IAPP: variants seen among roughly 807,000 people sequenced by gnomAD.
IAPP encodes the protein islet amyloid polypeptide.
Under a neutral mutation model 2.9 loss-of-function variants are expected in IAPP, and 4 were observed. That is an observed-to-expected ratio of 1.39 (90% CI 0.69 to 3.19). IAPP has a LOEUF of 3.19. Ranked by LOEUF, IAPP falls within the 30% of genes most tolerant of loss-of-function variation. The pLI, the probability that IAPP is intolerant of heterozygous loss-of-function variation, is 0.01. For missense variants in IAPP, 114 were observed against 105.3 expected, an observed-to-expected ratio of 1.08 and a Z score of -0.36; for synonymous variants, 40 against 42.1, an observed-to-expected ratio of 0.95 and a Z score of 0.19.
At chr12:21,375,784 T>C (rs1198830940) in intron 2 of IAPP, among the ~76,000 whole-genome samples, 3 of 152,224 alleles carry the variant, frequency 2.0e-5, no homozygotes, top group Admixed American at 2.0e-4. Context: ...CTTTGGCTTA[T>C]TGTCATCTCT....
At chr12:21,361,784 A>G (rs1427886165) in intron 1 of IAPP, among the ~76,000 whole-genome samples, 3 of 152,206 alleles carry the variant, frequency 2.0e-5, no homozygotes, top group African/African-American at 7.2e-5. Context: ...CAAATAGAAG[A>G]AAGGGTATCA....
rs550343524 is a variant in IAPP at position 21,357,109 on chromosome 12, A to T, written c.-16+2096A>T. 6.3e-3 allele frequency among the ~76,000 whole-genome samples: 955 copies of T among 152,322 alleles called. 10 individuals are homozygous for T. The highest frequency in any genetic ancestry group is 9.2e-3 in the Non-Finnish European group (626 of 68,020). ...ACTATAGAATGTCCAGAAAACCTTTATGGGTTGAACTGTGTCCCTGCAAAA... is the reference window on the plus strand; with the variant it reads ...ACTATAGAATGTCCAGAAAACCTTTTTGGGTTGAACTGTGTCCCTGCAAAA... On this transcript the variant is annotated intron_variant, in intron 1 of 2. Transcript: ENST00000539393.
At chr12:21,358,611 CTAGT>C (rs2137036965) in intron 1 of IAPP, among the ~76,000 whole-genome samples, 1 of 151,960 alleles carries the variant, frequency 6.6e-6, no homozygotes, top group East Asian at 1.9e-4. Flanking sequence ...TATTTTATCA[CTAGT>C]TAATACTTTT....
intron 1 of IAPP, among the ~76,000 whole-genome samples, chr12:21,355,643 C>A (rs1047717289): frequency 6.6e-6 from 1 of 152,142 alleles, no homozygotes; most frequent in African/African-American, 2.4e-5. Flanking sequence ...GCAACCAAAT[C>A]TTTTCTCAGG....
At chr12:21,374,566 T>C (rs922562669) in intron 2 of IAPP, 10 of 152,216 alleles carry the variant, frequency 6.6e-5, no homozygotes, top group African/African-American at 2.4e-4. Flanking sequence ...CAGAGGCTTT[T>C]TGTCATTTCA....
chr12:21,367,850 C>T (rs1939505537), intron 1 of IAPP, among the ~76,000 whole-genome samples: 1 of 151,638 alleles, frequency 6.6e-6, no homozygotes, highest in African/African-American at 2.4e-5. Context: ...AAGTATATTT[C>T]AAAAAAATGA....
intron 1 of IAPP, among the ~76,000 whole-genome samples, chr12:21,365,136 A>G (rs1939268989): frequency 6.6e-6 from 1 of 152,212 alleles, no homozygotes; most frequent in South Asian, 2.1e-4. Flanking sequence ...ACACTACCTG[A>G]CTTCAAACTA....
intron 1 of IAPP, among the ~76,000 whole-genome samples, chr12:21,358,243 T>A (rs1300073617): frequency 1.3e-5 from 2 of 152,212 alleles, no homozygotes; most frequent in Admixed American, 6.5e-5. Context: ...GATGAAAGTA[T>A]GCTGGAAAAA....
At chr12:21,372,444 T>C (rs1939868368), upstream of IAPP, among the ~76,000 whole-genome samples, 1 of 152,194 alleles carries the variant, frequency 6.6e-6, no homozygotes, top group South Asian at 2.1e-4. Context: ...TGATTTCTCT[T>C]TTATGCCCTT....
In IAPP at chr12:21,373,581, C is replaced by T. The variant is rs1939960136; in HGVS notation, c.80+150C>T. The stretch of plus-strand genomic sequence containing the variant: ...CAGCTATTCCATTGTTCCTTGAATT[C>T]TGTGTTCTTTAAAGAATAACACCAG... On this transcript the variant is annotated intron_variant, in intron 2 of 2. Coordinates refer to ENST00000240652, the MANE Select transcript of IAPP (RefSeq NM_000415.3). The T allele has an allele frequency of 4.2e-6, 3 of 708,776 alleles. No homozygotes were observed. In the East Asian group the frequency reaches 8.0e-5, roughly 19 times the overall value. The allele number at this position is 708,776 out of a possible 1,614,324, so 43.9% of individuals were successfully genotyped here.
intron 1 of IAPP, among the ~76,000 whole-genome samples, chr12:21,361,766 G>T (rs935931951): frequency 1.3e-5 from 2 of 152,120 alleles, no homozygotes; most frequent in Non-Finnish European, 2.9e-5. Flanking sequence ...TTCAGTAGCC[G>T]ATTTGATCAA....
rs1367248248 is a variant in IAPP at position 21,373,392 on chromosome 12, C to G, written c.41C>G (p.Ser14Cys). 1.2e-6 allele frequency: 2 copies of G among 1,613,628 alleles called. No homozygotes were observed. The highest frequency in any genetic ancestry group is 4.5e-5 in the East Asian group (2 of 44,822). The change falls in exon 2 of 3, where the codon TCT (serine) becomes TGT (cysteine). Residue 14 changes from serine (S) to cysteine (C), a missense_variant. By Grantham distance (112) the Ser-to-Cys change is moderately radical. Coordinates refer to ENST00000240652, the MANE Select transcript of IAPP (RefSeq NM_000415.3). The part of the protein sequence containing the change: ...LKLQVFLIVL[S>C]VALNHLKATP... ...CTGCAAGTATTTCTCATTGTGCTCT[C>G]TGTTGCATTGAACCATCTGAAAGCT... is the stretch of plus-strand genomic sequence containing the variant.
At chr12:21,367,917 A>G (rs572968879), upstream of IAPP, among the ~76,000 whole-genome samples, 1 of 152,208 alleles carries the variant, frequency 6.6e-6, no homozygotes, top group African/African-American at 2.4e-5. Context: ...GTAATCAAAT[A>G]GTTAACAAGA....
intron 1 of IAPP, among the ~76,000 whole-genome samples, chr12:21,364,120 C>T (rs1354341394): frequency 6.6e-6 from 1 of 152,126 alleles, no homozygotes. Context: ...ACCAATATCC[C>T]TGATGAACAT....
upstream of IAPP, among the ~76,000 whole-genome samples, chr12:21,368,207 A>C (rs1360667516): frequency 1.3e-5 from 2 of 152,164 alleles, no homozygotes; most frequent in African/African-American, 4.8e-5. Flanking sequence ...TTCTTACCAA[A>C]ATAATGGAAG....
At chr12:21,374,326 A>G (rs1198317000) in intron 2 of IAPP, 7 of 152,282 alleles carry the variant, frequency 4.6e-5, no homozygotes, top group Non-Finnish European at 5.9e-5. Flanking sequence ...TTGTGCCTAA[A>G]TTAGTTTTGC....
At chr12:21,359,140 G>A (rs1454301824) in intron 1 of IAPP, among the ~76,000 whole-genome samples, 1 of 152,136 alleles carries the variant, frequency 6.6e-6, no homozygotes, top group Non-Finnish European at 1.5e-5. Flanking sequence ...AAAACTAGAA[G>A]ATTTTTATAT....
chr12:21,378,400 G>C lies in IAPP; in HGVS notation c.244G>C (p.Glu82Gln). Residue 82 changes from glutamate (E) to glutamine (Q), a missense_variant, in exon 3 of 3, where the codon GAG (glutamate) becomes CAG (glutamine). Physicochemically the swap from Glu to Gln is conservative, Grantham distance 29. Transcript: ENST00000240652. ...GAATGCAGTAGAGGTTTTAAAGAGAGAGCCACTGAATTACTTGCCCCTTTA... is the reference window on the plus strand; with the variant it reads ...GAATGCAGTAGAGGTTTTAAAGAGACAGCCACTGAATTACTTGCCCCTTTA... ...KRNAVEVLKR[E>Q]PLNYLPL 1.2e-6 allele frequency: 2 copies of C among 1,614,066 alleles called. No homozygotes were observed. Among genetic ancestry groups the C allele is most frequent in the African/African-American group, 1.3e-5 (1 of 75,062 alleles).
chr12:21,359,681 A>G (rs1206242004), intron 1 of IAPP, among the ~76,000 whole-genome samples: 1 of 151,734 alleles, frequency 6.6e-6, no homozygotes, highest in Non-Finnish European at 1.5e-5. Flanking sequence ...CAGGAGGCAG[A>G]GCTTGCAGTG....
Sources: gnomAD v4.1 joint callset for allele counts (sites outside exome capture counted in the v4.1 genomes callset) on GRCh38, gnomAD v4.1.1 for gene constraint, MANE v1.5 for transcripts, NCBI Gene and HGNC (gene_info 2026-07-23, HGNC 2026-07-21) for gene names.